Variants in CAB39 observed in about 807,000 individuals in gnomAD.
CAB39 encodes the protein calcium-binding protein 39.
Under a neutral mutation model 40.0 loss-of-function variants are expected in CAB39, and 8 were observed. That is an observed-to-expected ratio of 0.20 (90% CI 0.12 to 0.36). The LOEUF is 0.36. CAB39 is among the 10% of genes least tolerant of loss of function. The pLI, the probability that CAB39 is intolerant of heterozygous loss-of-function variation, is 1.00. For missense variants in CAB39, 270 were observed against 401.1 expected (o/e 0.67, Z 2.79); for synonymous variants, 156 against 141.6 (o/e 1.10, Z -0.72).
intron 1 of CAB39, among the ~76,000 whole-genome samples, 155 bp downstream of exon 1, chr2:230,713,385 G>A (rs1424340074): frequency 6.6e-6 from 1 of 152,188 alleles, no homozygotes; most frequent in Non-Finnish European, 1.5e-5. Flanking sequence ...GGAGCAGCCG[G>A]GCCCAGCCTG....
At chr2:230,782,668 A>T (rs1056448577) in intron 2 of CAB39, among the ~76,000 whole-genome samples, 2 of 152,162 alleles carry the variant, frequency 1.3e-5, no homozygotes, top group African/African-American at 4.8e-5. Context: ...GCAAATCACA[A>T]CCAAACTTAA....
intron 5 of CAB39, among the ~76,000 whole-genome samples, chr2:230,806,876 C>T (rs960310104): frequency 6.6e-6 from 1 of 152,142 alleles, no homozygotes. Context: ...AATAAGCCCC[C>T]TGGGTTAGCA....
intron 7 of CAB39, among the ~76,000 whole-genome samples, chr2:230,816,313 C>T (rs1263914500): frequency 6.6e-6 from 1 of 152,202 alleles, no homozygotes; most frequent in East Asian, 1.9e-4. Flanking sequence ...CATCTTCCTT[C>T]AGATTTTCTT....
At chr2:230,759,932 T>G (rs1000316582) in intron 1 of CAB39, 27 bp from the exon 2 acceptor site, 1 of 748,696 alleles carries the variant, frequency 1.3e-6, no homozygotes, top group African/African-American at 1.8e-5. Flanking sequence ...CAGTGTTTGC[T>G]CACATGAACC....
chr2:230,816,336 TAGAAAA>T (rs1346810469), intron 7 of CAB39, among the ~76,000 whole-genome samples: 1 of 152,234 alleles, frequency 6.6e-6, no homozygotes, highest in East Asian at 1.9e-4. Flanking sequence ...GTTTCTGTGA[TAGAAAA>T]AGAACACGAA....
chr2:230,717,524 A>AATAT (rs1470477534), intron 1 of CAB39, among the ~76,000 whole-genome samples: 5 of 152,164 alleles, frequency 3.3e-5, no homozygotes, highest in African/African-American at 1.2e-4. Context: ...TACAGTCCGG[A>AATAT]ATATGGGGGC....
chr2:230,727,938 A>T (rs138326232), intron 1 of CAB39, among the ~76,000 whole-genome samples: 1 of 152,158 alleles, frequency 6.6e-6, no homozygotes, highest in Non-Finnish European at 1.5e-5. Flanking sequence ...TACCAAATTC[A>T]TGTTACAAAA....
chr2:230,756,509 T>C (rs1695193032), intron 1 of CAB39, among the ~76,000 whole-genome samples: 1 of 152,182 alleles, frequency 6.6e-6, no homozygotes, highest in Non-Finnish European at 1.5e-5. Flanking sequence ...AATTCTGTAA[T>C]GCAGAAGTTT....
intron 1 of CAB39, among the ~76,000 whole-genome samples, chr2:230,721,034 T>G (rs1694442797): frequency 6.6e-6 from 1 of 152,240 alleles, no homozygotes; most frequent in Admixed American, 6.5e-5. Flanking sequence ...TTTCTTACCT[T>G]TTAAAATTTA....
At chr2:230,785,386 G>T (rs1695771347) in intron 2 of CAB39, among the ~76,000 whole-genome samples, 1 of 151,500 alleles carries the variant, frequency 6.6e-6, no homozygotes, top group Non-Finnish European at 1.5e-5. Context: ...TGGGCAGGGG[G>T]GCAGGGGGGC....
chr2:230,784,963 T>C (rs1444920701), intron 2 of CAB39, among the ~76,000 whole-genome samples: 1 of 152,168 alleles, frequency 6.6e-6, no homozygotes, highest in Admixed American at 6.5e-5. Flanking sequence ...TAAAACTTTC[T>C]TAAATAGGTA....
chr2:230,764,145 G>GA (rs1695343361), intron 2 of CAB39, among the ~76,000 whole-genome samples: 1 of 151,624 alleles, frequency 6.6e-6, no homozygotes, highest in African/African-American at 2.4e-5. Context: ...ACAAAACAAA[G>GA]AAAGTACAAA....
intron 1 of CAB39, among the ~76,000 whole-genome samples, chr2:230,751,074 A>G (rs904240226): frequency 6.6e-6 from 1 of 152,274 alleles, no homozygotes; most frequent in Non-Finnish European, 1.5e-5. Context: ...TAAGTCTTAG[A>G]GCCAGTTATC....
chr2:230,740,303 G>A (rs1457374808), intron 1 of CAB39, among the ~76,000 whole-genome samples: 2 of 152,210 alleles, frequency 1.3e-5, no homozygotes, highest in African/African-American at 4.8e-5. Context: ...GAAAACCTGT[G>A]TGACTTGCTA....
chr2:230,721,481 C>T (rs1694452456), intron 1 of CAB39, among the ~76,000 whole-genome samples: 1 of 152,132 alleles, frequency 6.6e-6, no homozygotes, highest in South Asian at 2.1e-4. Context: ...AATACTTAAC[C>T]AAAATACAAT....
intron 5 of CAB39, among the ~76,000 whole-genome samples, chr2:230,806,334 A>G (rs374180361): frequency 1.2e-4 from 18 of 152,240 alleles, no homozygotes; most frequent in African/African-American, 4.3e-4. Flanking sequence ...AATACCCCCA[A>G]TACAATTAAG....
chr2:230,784,031 C>A (rs570637475), intron 2 of CAB39, among the ~76,000 whole-genome samples: 5 of 152,264 alleles, frequency 3.3e-5, no homozygotes, highest in Non-Finnish European at 7.4e-5. Context: ...ATTAGGCCCC[C>A]TGCAATCCAA....
At chr2:230,721,258 A>G (rs999311911) in intron 1 of CAB39, among the ~76,000 whole-genome samples, 1 of 152,018 alleles carries the variant, frequency 6.6e-6, no homozygotes, top group African/African-American at 2.4e-5. Flanking sequence ...TGGCGAAACC[A>G]TGTCTCTACT....
chr2:230,740,887 G>A (rs1694864720), intron 1 of CAB39, among the ~76,000 whole-genome samples: 3 of 152,192 alleles, frequency 2.0e-5, no homozygotes, highest in Non-Finnish European at 4.4e-5. Context: ...CAAAAGACTT[G>A]GGTCAATTAA....
Sources: allele counts gnomAD v4.1 joint callset (sites outside exome capture counted in the v4.1 genomes callset), GRCh38; gene constraint gnomAD v4.1.1; transcripts MANE v1.5; gene names NCBI Gene and HGNC (gene_info 2026-07-23, HGNC 2026-07-21).